Variants in TAFA5 observed in about 807,000 individuals in gnomAD.
TAFA5 encodes the protein chemokine-like protein TAFA-5.
A neutral mutation model predicts 15.3 loss-of-function variants in TAFA5; 6 were observed. That is an observed-to-expected ratio of 0.39 (90% CI 0.21 to 0.77). The LOEUF is 0.77. Ranked by LOEUF, TAFA5 falls within the 30% of genes least tolerant of loss-of-function variation. The pLI, the probability that TAFA5 is intolerant of heterozygous loss-of-function variation, is 0.41. For missense variants in TAFA5, 161 were observed against 193.1 expected, an observed-to-expected ratio of 0.83 and a Z score of 0.98; for synonymous variants, 103 against 80.7, an observed-to-expected ratio of 1.28 and a Z score of -1.48.
At chr22:48,587,047 G>C (rs1465631551) in intron 1 of TAFA5, among the ~76,000 whole-genome samples, 1 of 151,368 alleles carries the variant, frequency 6.6e-6, no homozygotes, top group Non-Finnish European at 1.5e-5. Flanking sequence ...CGTGCTGTCA[G>C]CTGTGTCTGT....
At chr22:48,681,823 A>G (rs1404941933) in intron 2 of TAFA5, among the ~76,000 whole-genome samples, 11 of 56,050 alleles carry the variant, frequency 2.0e-4, no homozygotes, top group South Asian at 6.4e-4. Context: ...GTCCACATGT[A>G]GACTCTCCCA....
At chr22:48,696,987 G>A (rs1928732472) in intron 2 of TAFA5, among the ~76,000 whole-genome samples, 1 of 152,196 alleles carries the variant, frequency 6.6e-6, no homozygotes, top group African/African-American at 2.4e-5. Flanking sequence ...CTGCTGCTTG[G>A]GTTAGATGAG....
rs111166637 is a variant in TAFA5 at position 48,679,160 on chromosome 22, G to A, written c.263-28557G>A. On this transcript the variant is annotated intron_variant, in intron 2 of 3. Transcript: ENST00000402357. Reference sequence around the variant, plus strand: ...CCGGCTCCCTGTCCATCCCTCTCCCGGCTCGGCGTCCATCCCTCTCCCGGC... The same window carrying A: ...CCGGCTCCCTGTCCATCCCTCTCCCAGCTCGGCGTCCATCCCTCTCCCGGC... Among the ~76,000 whole-genome samples, 20 of 2,742 alleles carry A rather than the reference G, an allele frequency of 7.3e-3. 4 individuals are homozygous for A. The highest frequency in any genetic ancestry group is 0.027 in the East Asian group (3 of 110). 1.8% of individuals were successfully genotyped at this position (2,742 alleles called of 152,430 possible). A position where few individuals can be genotyped will look rare whatever the true frequency, so the allele number is the denominator to read the frequency against.
chr22:48,714,830 G>A (rs538140466), intron 3 of TAFA5, among the ~76,000 whole-genome samples: 2 of 152,364 alleles, frequency 1.3e-5, no homozygotes, highest in South Asian at 4.1e-4. Context: ...CAAGTGGTCA[G>A]GGCCCTGCTG....
At position 48,669,171 on chromosome 22, in the gene TAFA5, C is replaced by T. The variant is rs145261910; in HGVS notation, c.262+22425C>T. ...GCTGATGCCTTGATCTCAGACTTTC[C>T]AGTCCCTGGAACTGGGAGAGAGAAA... On this transcript the variant is annotated intron_variant, in intron 2 of 3. Coordinates refer to ENST00000402357, the MANE Select transcript of TAFA5 (RefSeq NM_001082967.3). 1.3e-3 allele frequency among the ~76,000 whole-genome samples: 198 copies of T among 152,342 alleles called. 2 individuals are homozygous for T. The highest frequency in any genetic ancestry group is 4.4e-3 in the African/African-American group (185 of 41,580).
At chr22:48,631,747 C>T (rs6010501) in intron 1 of TAFA5, among the ~76,000 whole-genome samples, 12,492 of 152,288 alleles carry the variant, frequency 0.082, 566 homozygotes, top group Admixed American at 0.13. Flanking sequence ...GGAAATCTGA[C>T]GCCCTCCAGG....
chr22:48,589,936 C>T (rs981773024), intron 1 of TAFA5, among the ~76,000 whole-genome samples: 5 of 151,846 alleles, frequency 3.3e-5, no homozygotes, highest in Non-Finnish European at 7.4e-5. Context: ...CCAGAGGAAC[C>T]GGATATAGCA....
At position 48,505,266 on chromosome 22, in the gene TAFA5, C is replaced by T. The variant is rs180797323; in HGVS notation, c.112+15562C>T. ...GTGGAGGGGTCACCCTGCGTGGCCC[C>T]ACGCTGGCTTAGCTGTTGGCCTTTG... On this transcript the variant is annotated intron_variant, in intron 1 of 3. Transcript: ENST00000402357. Among the ~76,000 whole-genome samples the T allele has an allele frequency of 4.0e-3, 607 of 152,338 alleles. 3 individuals carry two copies. Among genetic ancestry groups the T allele is most frequent in the African/African-American group, 0.014 (580 of 41,576 alleles).
chr22:48,662,928 G>C (rs1003170608), intron 2 of TAFA5, among the ~76,000 whole-genome samples: 3 of 152,202 alleles, frequency 2.0e-5, no homozygotes, highest in South Asian at 2.1e-4. Flanking sequence ...CAGGGAGCCC[G>C]AGAGGTGAAT....
intron 1 of TAFA5, among the ~76,000 whole-genome samples, chr22:48,504,065 A>T (rs1920970638): frequency 6.6e-6 from 1 of 152,262 alleles, no homozygotes; most frequent in South Asian, 2.1e-4. Flanking sequence ...CTCACTCTTC[A>T]TTTCTGGTAC....
At chr22:48,539,298 T>C (rs1601564117) in intron 1 of TAFA5, 1 of 464,908 alleles carries the variant, frequency 2.2e-6, no homozygotes, top group East Asian at 7.0e-5. Flanking sequence ...GACTCCTAAA[T>C]TGGTTTATTT....
At chr22:48,593,729 A>C (rs901687274) in intron 1 of TAFA5, among the ~76,000 whole-genome samples, 1 of 152,184 alleles carries the variant, frequency 6.6e-6, no homozygotes, top group Non-Finnish European at 1.5e-5. Flanking sequence ...AAGGAAGGCC[A>C]GCTGGGGCCA....
chr22:48,708,794 C>T (rs1394453381), intron 3 of TAFA5, among the ~76,000 whole-genome samples: 1 of 152,218 alleles, frequency 6.6e-6, no homozygotes, highest in Non-Finnish European at 1.5e-5. Context: ...ATCCGAGCCT[C>T]CTCCCAGGAT....
At chr22:48,500,428 C>T (rs568990071) in intron 1 of TAFA5, among the ~76,000 whole-genome samples, 6 of 152,322 alleles carry the variant, frequency 3.9e-5, no homozygotes, top group African/African-American at 7.2e-5. Context: ...AAATAGGGGA[C>T]GGGTCACTTG....
chr22:48,576,056 G>A (rs1363112291), intron 1 of TAFA5, among the ~76,000 whole-genome samples: 2 of 50,366 alleles, frequency 4.0e-5, no homozygotes, highest in East Asian at 6.6e-4. Flanking sequence ...CCCCCCCCGC[G>A]CCGCCCGGCC....
intron 2 of TAFA5, among the ~76,000 whole-genome samples, chr22:48,696,350 C>T (rs1388789955): frequency 6.6e-6 from 1 of 152,198 alleles, no homozygotes; most frequent in African/African-American, 2.4e-5. Flanking sequence ...TCCCTCTTTT[C>T]TCACTCCTTC....
chr22:48,515,424 C>G (rs1352772142), intron 1 of TAFA5, among the ~76,000 whole-genome samples: 2 of 152,148 alleles, frequency 1.3e-5, no homozygotes, highest in Non-Finnish European at 2.9e-5. Flanking sequence ...TGCAGGGGAC[C>G]CTTCTCCTGG....
intron 1 of TAFA5, among the ~76,000 whole-genome samples, chr22:48,498,426 T>G (rs1264029623): frequency 6.6e-6 from 1 of 152,068 alleles, no homozygotes; most frequent in East Asian, 1.9e-4. Context: ...ACAGTTTGAT[T>G]AATAATAATA....
At chr22:48,603,029 A>C (rs1402612114) in intron 1 of TAFA5, among the ~76,000 whole-genome samples, 1 of 152,124 alleles carries the variant, frequency 6.6e-6, no homozygotes, top group Non-Finnish European at 1.5e-5. Context: ...GGGCCACCCC[A>C]CCGGTCCCCA....
Sources: gnomAD v4.1 joint callset for allele counts (sites outside exome capture counted in the v4.1 genomes callset) on GRCh38, gnomAD v4.1.1 for gene constraint, MANE v1.5 for transcripts, NCBI Gene and HGNC (gene_info 2026-07-23, HGNC 2026-07-21) for gene names.